The following PCNT variants were observed in gnomAD, a reference collection of about 807,000 sequenced individuals.
PCNT encodes the protein pericentrin, also known as kendrin.
In PCNT, 319 loss-of-function variants were observed where a neutral mutation model predicts 380.4. That is an observed-to-expected ratio of 0.84 (90% CI 0.77 to 0.92). The LOEUF (loss-of-function observed/expected upper bound fraction) is 0.92. PCNT is among the 40% of genes least tolerant of loss of function. The probability of loss-of-function intolerance (pLI) is 0.00; values close to 1 mark genes in which losing one functional copy is unlikely to be tolerated. For missense variants in PCNT, 4,400 were observed against 4,255.3 expected (o/e 1.03, Z -0.95); for synonymous variants, 1,845 against 1,735.2 (o/e 1.06, Z -1.57).
Position 46,432,151 on chromosome 21 carries a change from A to G in PCNT, c.8687A>G (p.Glu2896Gly). The G allele has an allele frequency of 1.2e-6, 2 of 1,613,786 alleles. No homozygotes were observed. Among genetic ancestry groups the G allele is most frequent in the Non-Finnish European group, 8.5e-7 (1 of 1,179,984 alleles). ...EGRKAARRSA[E>G]ARQSPAAAEQ... is the part of the protein sequence containing the mutation. ...CGCAAGGCTGCGAGGAGGAGCGCGG[A>G]GGCCAGGCAGAGCCCAGCGGCTGCG... The change falls in exon 38 of 47, where the codon GAG (glutamate) becomes GGG (glycine). Residue 2896 changes from glutamate to glycine, a missense_variant. By Grantham distance (98) the Glu-to-Gly change is moderately conservative. Transcript: ENST00000359568.
intron 15 of PCNT, among the ~76,000 whole-genome samples, chr21:46,379,220 C>T (rs2085428875): frequency 6.6e-6 from 1 of 152,214 alleles, no homozygotes; most frequent in Non-Finnish European, 1.5e-5. Flanking sequence ...CGCTGCCTCC[C>T]CTGTCATCCG....
At chr21:46,334,059 G>T (rs916132047) in intron 2 of PCNT, among the ~76,000 whole-genome samples, 1 of 152,022 alleles carries the variant, frequency 6.6e-6, no homozygotes, top group Non-Finnish European at 1.5e-5. Context: ...ACAAAAATTA[G>T]CTGGGCGTGG....
At chr21:46,414,520 C>T (rs962616284) in intron 29 of PCNT, among the ~76,000 whole-genome samples, 2 of 145,540 alleles carry the variant, frequency 1.4e-5, no homozygotes, top group African/African-American at 5.2e-5. Flanking sequence ...CACACAACCA[C>T]CCACCCTGCT....
In PCNT at chr21:46,436,047, G is replaced by C; in HGVS notation, c.8895G>C (p.Ala2965=). 6.2e-7 allele frequency: 1 copy of C among 1,613,748 alleles called. No homozygotes were observed. The highest frequency in any genetic ancestry group is 1.3e-5 in the African/African-American group (1 of 75,046). The change falls in exon 39 of 47, where the codon GCG becomes GCC. Residue 2965 remains alanine (A), a synonymous_variant. Coordinates refer to ENST00000359568, the MANE Select transcript of PCNT (RefSeq NM_006031.6). The stretch of plus-strand genomic sequence containing the variant: ...CCCGCAGGGCTGCCGGCTCGGATGC[G>C]GACCACCTCCGGGAACAGCAGCGAG... ...GSARRAAGSD[A]DHLREQQREL... is the part of the protein sequence containing the mutation.
At position 46,324,291 on chromosome 21, in the gene PCNT, T is replaced by C. The variant is rs771000653; in HGVS notation, c.54+9T>C. On this transcript the variant is annotated intron_variant, in intron 1 of 46. Coordinates refer to ENST00000359568, the MANE Select transcript of PCNT (RefSeq NM_006031.6). ...AGGCCGGGAGGACGAAGGTAAACAT[T>C]AGGGGCTTCTTCTCTAGCTGCTCTG... 1 of 1,604,316 alleles carries C rather than the reference T, an allele frequency of 6.2e-7. No homozygotes were observed. Among genetic ancestry groups the C allele is most frequent in the Non-Finnish European group, 8.5e-7 (1 of 1,173,938 alleles).
chr21:46,381,604 A>G (rs2147144081), intron 15 of PCNT, 90 bp from the exon 16 acceptor site: 4 of 1,202,016 alleles, frequency 3.3e-6, no homozygotes, highest in South Asian at 2.4e-5. Flanking sequence ...GGCTCCATGC[A>G]TATCTGCTGA....
At chr21:46,443,703 AC>A in intron 44 of PCNT, 106 bp from the exon 45 acceptor site, 2 of 1,070,108 alleles carry the variant, frequency 1.9e-6, no homozygotes, top group Non-Finnish European at 2.9e-6. Context: ...AAATTGCCAT[AC>A]AGGCTCTTAA....
At position 46,357,850 on chromosome 21, in the gene PCNT, C is replaced by T. The variant is rs2084532558; in HGVS notation, c.2154+659C>T. ...GATGCTCACCCCAAGTCTTAAATTG[C>T]GTCCGCGTTCCCCAGGCTCTTCCTG... On this transcript the variant is annotated intron_variant, in intron 13 of 46. Coordinates refer to ENST00000359568, the MANE Select transcript of PCNT (RefSeq NM_006031.6). Among the ~76,000 whole-genome samples the T allele has an allele frequency of 2.0e-5, 3 of 152,252 alleles. No individual in the cohort carries two copies. The South Asian group carries it at 6.2e-4, about 32-fold the overall frequency.
chr21:46,336,834 A>G (rs899671350), intron 3 of PCNT, among the ~76,000 whole-genome samples: 1 of 152,120 alleles, frequency 6.6e-6, no homozygotes, highest in Non-Finnish European at 1.5e-5. Context: ...ATAGGAATAC[A>G]TACTGATACC....
chr21:46,427,854 G>T, intron 34 of PCNT, 59 bp downstream of exon 34: 3 of 1,563,798 alleles, frequency 1.9e-6, no homozygotes. Flanking sequence ...CCCTGGCAGA[G>T]AGGGTGACAC....
chr21:46,358,941 C>G (rs1256713915), intron 13 of PCNT, among the ~76,000 whole-genome samples: 1 of 152,094 alleles, frequency 6.6e-6, no homozygotes, highest in Non-Finnish European at 1.5e-5. Flanking sequence ...GCTGGGAAGA[C>G]AGGTGCCCGT....
rs202208405 is a variant in PCNT at position 46,371,997 on chromosome 21, A to G, written c.3165+4858A>G. 8.9e-3 allele frequency among the ~76,000 whole-genome samples: 1,310 copies of G among 147,198 alleles called. 17 individuals carry two copies. The highest frequency in any genetic ancestry group is 0.025 in the African/African-American group (991 of 40,128). ...ACATACACACATGCAGCACATGCAC[A>G]CACACACAGCACATGCACACACACA... On this transcript the variant is annotated intron_variant, in intron 15 of 46. Coordinates refer to ENST00000359568, the MANE Select transcript of PCNT (RefSeq NM_006031.6).
At position 46,367,225 on chromosome 21, in the gene PCNT, C is replaced by T. The variant is rs559532175; in HGVS notation, c.3165+86C>T. ...CCACCGCGTGTCACATGTCTGCGTG[C>T]GTGCTGTGTGTGCCTGTGCGGGTGT... On this transcript the variant is annotated intron_variant, in intron 15 of 46. Transcript: ENST00000359568. 1.2e-4 allele frequency: 135 copies of T among 1,167,892 alleles called. No individual in the cohort carries two copies. The African/African-American group carries it at 1.4e-3, about 12-fold the overall frequency. 72.3% of individuals were successfully genotyped at this position (1,167,892 alleles called of 1,614,324 possible). A position where few individuals can be genotyped will look rare whatever the true frequency, so the allele number is the denominator to read the frequency against.
rs764467251 is a variant in PCNT at position 46,430,607 on chromosome 21, G to C, written c.8014G>C (p.Glu2672Gln). 8 of 1,568,786 alleles carry C rather than the reference G, an allele frequency of 5.1e-6. No individual in the cohort carries two copies. Among genetic ancestry groups the C allele is most frequent in the Non-Finnish European group, 6.9e-6 (8 of 1,157,472 alleles). Reference protein sequence around the residue: ...GRALQSQLEEEQLRHLQRESQ... With the variant: ...GRALQSQLEEQQLRHLQRESQ... ...TGCCCTGCAGAGCCAGCTGGAGGAGGAGCAGCTGCGGCACCTGCAGAGGGA... is the reference window on the plus strand; with the variant it reads ...TGCCCTGCAGAGCCAGCTGGAGGAGCAGCAGCTGCGGCACCTGCAGAGGGA... Residue 2672 changes from glutamate (E) to glutamine (Q), a missense_variant, in exon 37 of 47, where the codon GAG (glutamate) becomes CAG (glutamine). Glu to Gln is a conservative substitution (Grantham distance 29). Coordinates refer to ENST00000359568, the MANE Select transcript of PCNT (RefSeq NM_006031.6).
In PCNT at chr21:46,416,293, C is replaced by G. The variant is rs1253720488; in HGVS notation, c.6375C>G (p.His2125Gln). The change falls in exon 30 of 47, where the codon CAC (histidine) becomes CAG (glutamine). Residue 2125 changes from histidine to glutamine, a missense_variant. Physicochemically the swap from His to Gln is conservative, Grantham distance 24 (BLOSUM62 0). Transcript: ENST00000359568. ...GAGAAGAGCCTGACATATCACCCCA[C>G]ATAGACACATGTGATGCCAATACAG... ...CDGEEPDISP[H>Q]IDTCDANTAT... 4.3e-6 allele frequency: 7 copies of G among 1,613,846 alleles called. No individual in the cohort carries two copies.
At position 46,438,227 on chromosome 21, in the gene PCNT, C is replaced by A. The variant is rs754586558; in HGVS notation, c.9163C>A (p.Leu3055Ile). 3.3e-5 allele frequency: 53 copies of A among 1,614,036 alleles called. No individual in the cohort carries two copies. In the Admixed American group the frequency reaches 8.7e-4, roughly 26 times the overall value. The change falls in exon 41 of 47, where the codon CTC becomes ATC. Residue 3055 changes from leucine (L) to isoleucine (I), a missense_variant. By Grantham distance (5) the Leu-to-Ile change is conservative (BLOSUM62 2). Transcript: ENST00000359568. The stretch of plus-strand genomic sequence containing the variant: ...CGTCCTGCTGAAAGACAATGTTTCC[C>A]TCACAAAAGCGCTCAGCACGGTGAC... ...VDVLLKDNVSLTKALSTVTQE... is the reference protein window; with the variant it reads ...VDVLLKDNVSITKALSTVTQE...
intron 12 of PCNT, among the ~76,000 whole-genome samples, chr21:46,356,197 GATGGTGGGGCTGCCGTCC>G (rs1169969543): frequency 7.2e-5 from 11 of 152,220 alleles, no homozygotes; most frequent in African/African-American, 9.6e-5. Flanking sequence ...GGACTGTGCT[GATGGTGGGGCTGCCGTCC>G]ATGGTGGGGG....
chr21:46,337,373 T>G (rs2083780225), intron 3 of PCNT, among the ~76,000 whole-genome samples: 1 of 152,210 alleles, frequency 6.6e-6, no homozygotes, highest in Non-Finnish European at 1.5e-5. Flanking sequence ...ACCAAGTGGA[T>G]TTAAGTGTTT....
At chr21:46,444,023 C>T in intron 45 of PCNT, 75 bp downstream of exon 45, 1 of 1,493,352 alleles carries the variant, frequency 6.7e-7, no homozygotes, top group Non-Finnish European at 9.1e-7. Context: ...CAGAGAAATG[C>T]ATTTTTAGTT....
Sources: allele counts gnomAD v4.1 joint callset (sites outside exome capture counted in the v4.1 genomes callset), GRCh38; gene constraint gnomAD v4.1.1; transcripts MANE v1.5; gene names NCBI Gene and HGNC (gene_info 2026-07-23, HGNC 2026-07-21).